The following PURG variants were observed in gnomAD, a reference collection of about 807,000 sequenced individuals.
The protein encoded by PURG is purine rich element binding protein G, also known as purine-rich element-binding protein gamma.
Under a neutral mutation model 24.3 loss-of-function variants are expected in PURG, and 3 were observed. The observed-to-expected ratio is 0.12, with a 90% CI of 0.06 to 0.32. The LOEUF is 0.32. Ranked by LOEUF, PURG falls within the 10% of genes least tolerant of loss-of-function variation. PURG has a pLI of 1.00. For missense variants in PURG, 371 were observed against 439.1 expected, an observed-to-expected ratio of 0.84 and a Z score of 1.39; for synonymous variants, 180 against 173.1, an observed-to-expected ratio of 1.04 and a Z score of -0.31.
rs374424430 is a variant in PURG at position 31,015,356 on chromosome 8, C to CACAA, written c.864+16559_864+16562dup. Among the ~76,000 whole-genome samples, 10 of 152,020 alleles carry CACAA rather than the reference C, an allele frequency of 6.6e-5. No homozygotes were observed. The East Asian group carries it at 1.7e-3, about 26-fold the overall frequency. The stretch of plus-strand genomic sequence containing the variant: ...TTTTAACCACAATTGAAAACAAACA[C>CACAA]ACAAACAAACAAACACACCACCACC... On this transcript the variant is annotated intron_variant, in intron 1 of 1. Transcript: ENST00000339382.
intron 1 of PURG, among the ~76,000 whole-genome samples, chr8:31,018,226 T>C (rs544973195): frequency 6.6e-6 from 1 of 152,214 alleles, no homozygotes; most frequent in Non-Finnish European, 1.5e-5. Flanking sequence ...CACAATAATA[T>C]TAGAAAATTT....
intron 1 of PURG, among the ~76,000 whole-genome samples, chr8:31,008,083 T>C (rs943180464): frequency 3.3e-5 from 5 of 152,194 alleles, no homozygotes; most frequent in Admixed American, 2.0e-4. Context: ...AACAGTTTTA[T>C]GAGATTATAA....
intron 1 of PURG, among the ~76,000 whole-genome samples, chr8:31,001,162 C>A (rs961830184): frequency 3.9e-5 from 6 of 152,148 alleles, no homozygotes; most frequent in Admixed American, 2.0e-4. Context: ...ATACAACATT[C>A]CACAATTTAT....
intron 1 of PURG, among the ~76,000 whole-genome samples, chr8:31,020,254 T>C (rs563257954): frequency 6.6e-6 from 1 of 152,356 alleles, no homozygotes; most frequent in African/African-American, 2.4e-5. Flanking sequence ...TATCTTGAGA[T>C]AATCAGCAAT....
intron 1 of PURG, among the ~76,000 whole-genome samples, chr8:30,997,314 G>A (rs756458880): frequency 7.2e-5 from 11 of 151,848 alleles, no homozygotes; most frequent in South Asian, 2.1e-4. Flanking sequence ...GTTGAGAAAC[G>A]TCTGTTACTC....
chr8:31,022,276 T>C (rs1425447571), intron 1 of PURG, among the ~76,000 whole-genome samples: 3 of 152,272 alleles, frequency 2.0e-5, no homozygotes, highest in African/African-American at 7.2e-5. Context: ...CAGCCTAAAT[T>C]CATTTCTGAA....
intron 1 of PURG, among the ~76,000 whole-genome samples, chr8:30,998,284 A>G (rs1335859333): frequency 6.6e-6 from 1 of 151,838 alleles, no homozygotes; most frequent in East Asian, 1.9e-4. Flanking sequence ...CTGTTAAGTT[A>G]CAATAGTTTT....
downstream of PURG, among the ~76,000 whole-genome samples, chr8:31,026,637 A>AATATATATATATAT (rs397791712): frequency 1.6e-5 from 2 of 128,652 alleles, no homozygotes; most frequent in Non-Finnish European, 3.5e-5. Flanking sequence ...TTTTAAAAAG[A>AATATATATATATAT]ATATATATAT....
rs1036879834 is a variant in PURG at position 31,032,623 on chromosome 8, C to T, written c.160G>A (p.Ala54Thr). Residue 54 changes from alanine to threonine, a missense_variant, in exon 2 of 2, where the codon GCA (alanine) becomes ACA (threonine). Ala to Thr is a moderately conservative substitution (Grantham distance 58, BLOSUM62 0). Around this residue, in one of 5 missense-constraint regions of PURG, gnomAD observed 213 missense variants for 230.6 expected, o/e 0.92. Coordinates refer to ENST00000523392, the MANE Select transcript of PURG (RefSeq NM_001323311.2). The surrounding 1 kb of genome is among the most constrained non-coding windows in gnomAD (Gnocchi z 5.9). Reference sequence around the variant, plus strand: ...GAGGCCAGCTCCTGGATTTCGGCTGCGCCCCCGGCCTGATTAGGGGTGGCT... The same window carrying T: ...GAGGCCAGCTCCTGGATTTCGGCTGTGCCCCCGGCCTGATTAGGGGTGGCT... ...ASATPNQAGG[A>T]AEIQELASKR... 6.2e-7 allele frequency: 1 copy of T among 1,601,248 alleles called. No homozygotes were observed. Among genetic ancestry groups the T allele is most frequent in the Non-Finnish European group, 8.5e-7 (1 of 1,172,750 alleles).
intron 1 of PURG, among the ~76,000 whole-genome samples, chr8:31,016,746 A>T (rs984248627): frequency 1.3e-5 from 2 of 152,294 alleles, no homozygotes; most frequent in Admixed American, 1.3e-4. Context: ...ATCTCTGAGG[A>T]TGGGGACCAA....
At chr8:31,012,326 A>T (rs1563305848) in intron 1 of PURG, among the ~76,000 whole-genome samples, 1 of 152,220 alleles carries the variant, frequency 6.6e-6, no homozygotes, top group Non-Finnish European at 1.5e-5. Flanking sequence ...CCAAAAGATA[A>T]GTCTTATTGA....
intron 1 of PURG, among the ~76,000 whole-genome samples, chr8:31,019,790 C>A (rs949383732): frequency 2.0e-5 from 3 of 151,400 alleles, no homozygotes; most frequent in Admixed American, 6.6e-5. Flanking sequence ...CTCGGCCTCC[C>A]AAAGTGCTGG....
chr8:31,032,766 C>T lies in PURG; in HGVS notation c.17G>A (p.Arg6Gln). 2 of 1,433,530 alleles carry T rather than the reference C, an allele frequency of 1.4e-6. No individual in the cohort carries two copies. The highest frequency in any genetic ancestry group is 2.9e-5 in the Admixed American group (1 of 34,916). The allele number at this position is 1,433,530 out of a possible 1,614,324, so 88.8% of individuals were successfully genotyped here. A position where few individuals can be genotyped will look rare whatever the true frequency, so the allele number is the denominator to read the frequency against. MERAR[R>Q]RGGGGGRGRG... Reference sequence around the variant, plus strand: ...GCCGCGGCCGCCGCCGCCTCCCCTTCGCCTGGCTCTTTCCATCTTCAGCTG... The same window carrying T: ...GCCGCGGCCGCCGCCGCCTCCCCTTTGCCTGGCTCTTTCCATCTTCAGCTG... The change falls in exon 2 of 2, where the codon CGA becomes CAA. Residue 6 changes from arginine (R) to glutamine (Q), a missense_variant. Arg to Gln is a conservative substitution (Grantham distance 43). Coordinates refer to ENST00000523392, the MANE Select transcript of PURG (RefSeq NM_001323311.2). The surrounding 1 kb of genome is among the most constrained non-coding windows in gnomAD (Gnocchi z 5.9).
At chr8:31,001,455 G>T (rs1294691184) in intron 1 of PURG, among the ~76,000 whole-genome samples, 2 of 152,166 alleles carry the variant, frequency 1.3e-5, no homozygotes, top group African/African-American at 4.8e-5. Flanking sequence ...AGTGGTTCAG[G>T]TGCACAGGTT....
At chr8:31,022,880 T>C (rs1811023357) in intron 1 of PURG, among the ~76,000 whole-genome samples, 1 of 152,348 alleles carries the variant, frequency 6.6e-6, no homozygotes, top group African/African-American at 2.4e-5. Flanking sequence ...ATGTTGTGAA[T>C]TTGGGTGTCT....
downstream of PURG, among the ~76,000 whole-genome samples, chr8:31,029,518 GTATA>G (rs535958756): frequency 6.6e-6 from 1 of 151,504 alleles, no homozygotes; most frequent in Admixed American, 6.6e-5. Flanking sequence ...ATGTCTGTGT[GTATA>G]TATATAGATA....
chr8:31,011,131 A>C (rs1810756330), intron 1 of PURG, among the ~76,000 whole-genome samples: 1 of 152,220 alleles, frequency 6.6e-6, no homozygotes, highest in Non-Finnish European at 1.5e-5. Flanking sequence ...GAGGAGAAAA[A>C]GAATTTGTGA....
Position 31,033,180 on chromosome 8 carries a change from C to A in PURG, c.-109G>T. ...GCTGCAGCCGCCGCAGCCGCCGCCC[C>A]CCGCCTCCTCCCCCGCCGCCGCCGC... On this transcript the variant is annotated 5_prime_UTR_variant, in exon 1 of 2. Coordinates refer to ENST00000523392, the MANE Select transcript of PURG (RefSeq NM_001323311.2). The A allele has an allele frequency of 4.8e-6, 1 of 206,772 alleles. No homozygotes were observed. Among genetic ancestry groups the A allele is most frequent in the Non-Finnish European group, 9.5e-6 (1 of 104,906 alleles). The allele number at this position is 206,772 out of a possible 1,614,324, so 12.8% of individuals were successfully genotyped here.
intron 1 of PURG, among the ~76,000 whole-genome samples, chr8:31,013,503 C>T (rs906583105): frequency 3.3e-5 from 5 of 152,186 alleles, no homozygotes; most frequent in Admixed American, 2.0e-4. Flanking sequence ...TTTGGAAGCA[C>T]GAGGCAGGAG....
Sources: gnomAD v4.1 joint callset for allele counts (sites outside exome capture counted in the v4.1 genomes callset) on GRCh38, gnomAD v4.1.1 for gene constraint, gnomAD v4.1.1 regional missense constraint, Gnocchi (gnomAD v3.1) non-coding constraint, MANE v1.5 for transcripts, NCBI Gene and HGNC (gene_info 2026-07-23, HGNC 2026-07-21) for gene names.